RAPGEF4: variants seen among roughly 807,000 people sequenced by gnomAD.
The protein encoded by RAPGEF4 is Rap guanine nucleotide exchange factor 4.
In RAPGEF4, 66 loss-of-function variants were observed where a neutral mutation model predicts 147.9. That is an observed-to-expected ratio of 0.45 (90% CI 0.37 to 0.55). The LOEUF is 0.55. Ranked by LOEUF, RAPGEF4 falls within the 20% of genes least tolerant of loss-of-function variation. The pLI, the probability that RAPGEF4 is intolerant of heterozygous loss-of-function variation, is 0.00. For synonymous variants in RAPGEF4, 419 were observed against 442.7 expected (o/e 0.95, Z 0.67); for missense variants, 1,071 against 1,257.3 (o/e 0.85, Z 2.24).
rs557050130 is a variant in RAPGEF4 at position 172,841,695 on chromosome 2, G to T, written c.444+27270G>T. Among the ~76,000 whole-genome samples, 60 of 152,002 alleles carry T rather than the reference G, an allele frequency of 3.9e-4. 1 individual carries two copies. Among genetic ancestry groups the T allele is most frequent in the African/African-American group, 1.4e-3 (56 of 41,438 alleles). ...AATTACAAGATTATAGAATGTGGAT[G>T]GTTACTGCCACTTCTCAAAATGGCC... On this transcript the variant is annotated intron_variant, in intron 4 of 30. Transcript: ENST00000397081.
At chr2:172,909,997 T>G (rs968270442) in intron 4 of RAPGEF4, among the ~76,000 whole-genome samples, 6 of 152,194 alleles carry the variant, frequency 3.9e-5, no homozygotes, top group African/African-American at 1.4e-4. Context: ...CTCATGCCAC[T>G]GTGGGCATGA....
chr2:172,775,110 G>A (rs1684030741), intron 1 of RAPGEF4, among the ~76,000 whole-genome samples: 1 of 152,070 alleles, frequency 6.6e-6, no homozygotes, highest in South Asian at 2.1e-4. Flanking sequence ...AATCTCCCAG[G>A]CCAGAGCTAT....
intron 1 of RAPGEF4, among the ~76,000 whole-genome samples, chr2:172,750,359 C>T (rs10187070): frequency 2.6e-5 from 4 of 151,792 alleles, no homozygotes; most frequent in Non-Finnish European, 5.9e-5. Flanking sequence ...TGAAAGGCAC[C>T]TCTTATATTG....
chr2:172,804,743 C>CT (rs1687314937), intron 3 of RAPGEF4, among the ~76,000 whole-genome samples: 1 of 152,130 alleles, frequency 6.6e-6, no homozygotes, highest in Non-Finnish European at 1.5e-5. Flanking sequence ...GATGGGGATC[C>CT]TTTTTTGCCC....
chr2:172,919,899 C>T (rs182111474), intron 5 of RAPGEF4, among the ~76,000 whole-genome samples: 70 of 152,198 alleles, frequency 4.6e-4, no homozygotes, highest in African/African-American at 1.4e-3. Context: ...CCTGCTTGCC[C>T]GGGCCCAGCG....
intron 1 of RAPGEF4, among the ~76,000 whole-genome samples, chr2:172,794,220 A>T (rs1398135625): frequency 6.6e-6 from 1 of 152,000 alleles, no homozygotes; most frequent in African/African-American, 2.4e-5. Flanking sequence ...TCTACTAAAA[A>T]TACAAAAAAT....
intron 10 of RAPGEF4, among the ~76,000 whole-genome samples, chr2:172,972,228 T>C (rs945348669): frequency 7.2e-5 from 11 of 152,352 alleles, no homozygotes; most frequent in African/African-American, 2.6e-4. Context: ...GCCTGTGTAT[T>C]GTGTCTTAAT....
intron 1 of RAPGEF4, among the ~76,000 whole-genome samples, chr2:172,773,270 GA>G (rs957539609): frequency 6.6e-6 from 1 of 152,114 alleles, no homozygotes; most frequent in African/African-American, 2.4e-5. Flanking sequence ...CACATTTAAA[GA>G]GTTTACTATT....
At chr2:173,001,396 C>G (rs1440744140) in intron 17 of RAPGEF4, 52 bp downstream of exon 17, 2 of 1,605,378 alleles carry the variant, frequency 1.2e-6, no homozygotes, top group African/African-American at 2.7e-5. Context: ...ACAACCCCCC[C>G]TATCGAGGGC....
intron 4 of RAPGEF4, among the ~76,000 whole-genome samples, chr2:172,818,808 C>T (rs1688764555): frequency 6.6e-6 from 1 of 152,190 alleles, no homozygotes; most frequent in African/African-American, 2.4e-5. Context: ...TAGGGAATTC[C>T]TTTTCTTTTC....
At chr2:172,962,473 G>C (rs961429071) in intron 8 of RAPGEF4, among the ~76,000 whole-genome samples, 2 of 152,098 alleles carry the variant, frequency 1.3e-5, no homozygotes, top group African/African-American at 4.8e-5. Context: ...AATGTTAGTT[G>C]AATGTGATCT....
intron 10 of RAPGEF4, among the ~76,000 whole-genome samples, chr2:172,967,903 A>G (rs1690024260): frequency 6.6e-6 from 1 of 152,156 alleles, no homozygotes; most frequent in South Asian, 2.1e-4. Context: ...TCTGTTCTTC[A>G]GCTTAAAGCT....
intron 3 of RAPGEF4, among the ~76,000 whole-genome samples, chr2:172,799,478 T>C (rs1686748729): frequency 6.6e-6 from 1 of 152,202 alleles, no homozygotes; most frequent in South Asian, 2.1e-4. Flanking sequence ...GATTACCCCA[T>C]GTCCTTCTTT....
At chr2:172,791,265 A>G (rs1406113707) in intron 1 of RAPGEF4, among the ~76,000 whole-genome samples, 2 of 152,184 alleles carry the variant, frequency 1.3e-5, no homozygotes, top group Non-Finnish European at 2.9e-5. Flanking sequence ...GCAGAGGGTG[A>G]GTCTACTCCA....
chr2:173,027,866 T>A (rs1295601588), intron 25 of RAPGEF4, among the ~76,000 whole-genome samples: 1 of 152,228 alleles, frequency 6.6e-6, no homozygotes, highest in African/African-American at 2.4e-5. Context: ...CTTCTCCTGC[T>A]ATTTAGATAT....
intron 10 of RAPGEF4, among the ~76,000 whole-genome samples, chr2:172,975,317 A>G (rs1211251450): frequency 6.6e-6 from 1 of 152,178 alleles, no homozygotes; most frequent in Non-Finnish European, 1.5e-5. Context: ...AATCACTAAT[A>G]TTTGAATACC....
intron 6 of RAPGEF4, among the ~76,000 whole-genome samples, chr2:172,947,483 C>T (rs1016650714): frequency 1.4e-4 from 21 of 152,106 alleles, no homozygotes; most frequent in Non-Finnish European, 2.5e-4. Context: ...ACTGTCTAGC[C>T]AGGTAACCTC....
At chr2:172,987,440 T>A (rs545980962) in intron 12 of RAPGEF4, among the ~76,000 whole-genome samples, 3 of 152,318 alleles carry the variant, frequency 2.0e-5, no homozygotes, top group South Asian at 2.1e-4. Flanking sequence ...CTCACTTTTT[T>A]AAAAATACAG....
At chr2:173,019,730 C>T (rs755777291) in intron 22 of RAPGEF4, among the ~76,000 whole-genome samples, 1 of 152,154 alleles carries the variant, frequency 6.6e-6, no homozygotes. Flanking sequence ...CTCCCTGACC[C>T]CTTGTCACCT....
Sources: allele counts gnomAD v4.1 joint callset (sites outside exome capture counted in the v4.1 genomes callset), GRCh38; gene constraint gnomAD v4.1.1; transcripts MANE v1.5; gene names NCBI Gene and HGNC (gene_info 2026-07-23, HGNC 2026-07-21).